The following UBAP2 variants were observed in gnomAD, a reference collection of about 807,000 sequenced individuals.
The protein encoded by UBAP2 is ubiquitin associated protein 2, also known as ubiquitin-associated protein 2.
UBAP2 carries 75 observed loss-of-function variants against 139.6 expected under a neutral mutation model. The ratio of observed to expected loss-of-function variants is 0.54; its 90% CI spans 0.45 to 0.65. The LOEUF (loss-of-function observed/expected upper bound fraction) is 0.65, where lower values mean the gene tolerates loss of function less well. Ranked by LOEUF, UBAP2 falls within the 30% of genes least tolerant of loss-of-function variation. UBAP2 has a pLI of 0.00. For missense variants in UBAP2, 1,368 were observed against 1,369.6 expected (o/e 1.00, Z 0.02); for synonymous variants, 526 against 526.2 (o/e 1.00, Z 0.01).
chr9:33,963,477 C>G (rs1367625868), intron 9 of UBAP2, among the ~76,000 whole-genome samples: 1 of 152,144 alleles, frequency 6.6e-6, no homozygotes, highest in Non-Finnish European at 1.5e-5. Flanking sequence ...TGTTAGTCCT[C>G]TAACGAATGT....
chr9:34,025,728 A>C (rs890725255), intron 1 of UBAP2, among the ~76,000 whole-genome samples: 2 of 152,182 alleles, frequency 1.3e-5, no homozygotes, highest in Non-Finnish European at 2.9e-5. Context: ...AACTGCCTAA[A>C]AAGTTTTGTT....
chr9:34,001,173 C>T (rs1317642473), intron 2 of UBAP2, among the ~76,000 whole-genome samples: 1 of 152,124 alleles, frequency 6.6e-6, no homozygotes, highest in African/African-American at 2.4e-5. Flanking sequence ...GGAGTAATGA[C>T]AACTTGTTAT....
chr9:33,939,133 T>C (rs1824857142), intron 16 of UBAP2, among the ~76,000 whole-genome samples: 1 of 151,518 alleles, frequency 6.6e-6, no homozygotes, highest in South Asian at 2.1e-4. Flanking sequence ...TCATTAGAGG[T>C]AGAGTGGCAT....
At chr9:33,982,742 TA>T (rs1820874429) in intron 6 of UBAP2, among the ~76,000 whole-genome samples, 1 of 152,208 alleles carries the variant, frequency 6.6e-6, no homozygotes, top group African/African-American at 2.4e-5. Context: ...AACTTTTATT[TA>T]TTTGGGGTTT....
intron 8 of UBAP2, among the ~76,000 whole-genome samples, chr9:33,964,930 T>C (rs1251086351): frequency 6.6e-6 from 1 of 152,192 alleles, no homozygotes; most frequent in African/African-American, 2.4e-5. Context: ...GAATTTTTCA[T>C]TTCCTTTAAA....
At chr9:34,046,859 T>G (rs1827649714) in intron 1 of UBAP2, among the ~76,000 whole-genome samples, 1 of 152,044 alleles carries the variant, frequency 6.6e-6, no homozygotes, top group Non-Finnish European at 1.5e-5. Context: ...TAAAAGTCAC[T>G]CAGGCTAATA....
chr9:33,993,490 G>C (rs1460173152), intron 4 of UBAP2, among the ~76,000 whole-genome samples: 1 of 152,172 alleles, frequency 6.6e-6, no homozygotes, highest in Non-Finnish European at 1.5e-5. Context: ...TAGAAACACA[G>C]AGACCCCCTA....
intron 13 of UBAP2, among the ~76,000 whole-genome samples, chr9:33,947,994 A>AG (rs1825785253): frequency 6.6e-6 from 1 of 151,678 alleles, no homozygotes; most frequent in African/African-American, 2.4e-5. Context: ...AAAAAAAAAA[A>AG]AAAAAAAAAG....
intron 24 of UBAP2, 152 bp from the exon 25 acceptor site, chr9:33,923,630 C>T (rs976002207): frequency 9.3e-7 from 1 of 1,069,772 alleles, no homozygotes; most frequent in East Asian, 2.4e-5. Context: ...GATCTAAACA[C>T]AGCAGGGGAA....
At chr9:33,935,931 CT>C in intron 16 of UBAP2, 53 bp from the exon 17 acceptor site, 2 of 1,555,748 alleles carry the variant, frequency 1.3e-6, no homozygotes, top group Non-Finnish European at 1.7e-6. Context: ...AAATCATTAC[CT>C]GAGTGGCTTT....
intron 19 of UBAP2, among the ~76,000 whole-genome samples, chr9:33,930,018 G>T (rs552881383): frequency 2.0e-5 from 3 of 151,278 alleles, no homozygotes; most frequent in East Asian, 1.9e-4. Context: ...AAAATAATAA[G>T]AAATAAATAA....
In UBAP2 at chr9:33,944,772, T is replaced by A. The variant is rs940328456; in HGVS notation, c.1271-133A>T. On this transcript the variant is annotated intron_variant, in intron 13 of 28. Transcript: ENST00000379238. Reference sequence around the variant, plus strand: ...AATTTCTTAGGTTTTACACACACTATGTGTAACACTTCATTTATGATAAAC... The same window carrying A: ...AATTTCTTAGGTTTTACACACACTAAGTGTAACACTTCATTTATGATAAAC... 6.0e-6 allele frequency: 6 copies of A among 1,004,904 alleles called. No individual in the cohort carries two copies. In the African/African-American group the frequency reaches 8.1e-5, roughly 14 times the overall value. 62.2% of individuals were successfully genotyped at this position (1,004,904 alleles called of 1,614,324 possible). A position where few individuals can be genotyped will look rare whatever the true frequency, so the allele number is the denominator to read the frequency against.
chr9:34,019,889 C>G (rs1041133771), intron 1 of UBAP2, among the ~76,000 whole-genome samples: 1 of 151,946 alleles, frequency 6.6e-6, no homozygotes, highest in Non-Finnish European at 1.5e-5. Flanking sequence ...CAGCCGGTCG[C>G]GGTGGCTCAT....
intron 8 of UBAP2, among the ~76,000 whole-genome samples, chr9:33,970,251 G>A (rs1266581866): frequency 4.6e-5 from 7 of 151,546 alleles, no homozygotes; most frequent in Non-Finnish European, 8.8e-5. Context: ...AATTATTCAC[G>A]TTCTCACCTT....
chr9:34,013,695 G>A (rs958993774), intron 2 of UBAP2, among the ~76,000 whole-genome samples: 4 of 151,790 alleles, frequency 2.6e-5, no homozygotes, highest in Admixed American at 1.3e-4. Flanking sequence ...TGGCCAACAC[G>A]GCGAAACCCC....
At chr9:33,979,393 T>C (rs1458939318) in intron 6 of UBAP2, among the ~76,000 whole-genome samples, 1 of 152,138 alleles carries the variant, frequency 6.6e-6, no homozygotes, top group Non-Finnish European at 1.5e-5. Context: ...CTGACCTACA[T>C]AGAGAAATCC....
At chr9:33,956,712 A>G (rs897679325) in intron 10 of UBAP2, among the ~76,000 whole-genome samples, 3 of 152,160 alleles carry the variant, frequency 2.0e-5, no homozygotes, top group Admixed American at 1.3e-4. Context: ...TAAACAACAC[A>G]GTGAAACACT....
At chr9:34,043,153 A>G (rs1441707958) in intron 1 of UBAP2, among the ~76,000 whole-genome samples, 1 of 152,104 alleles carries the variant, frequency 6.6e-6, no homozygotes, top group Non-Finnish European at 1.5e-5. Flanking sequence ...TATGCCTCAT[A>G]TATCATCTAC....
intron 17 of UBAP2, among the ~76,000 whole-genome samples, chr9:33,934,574 C>T (rs1243627518): frequency 6.6e-6 from 1 of 152,096 alleles, no homozygotes; most frequent in Non-Finnish European, 1.5e-5. Context: ...TATAAAGACA[C>T]CACAGATACA....
Sources: allele counts gnomAD v4.1 joint callset (sites outside exome capture counted in the v4.1 genomes callset), GRCh38; gene constraint gnomAD v4.1.1; transcripts MANE v1.5; gene names NCBI Gene and HGNC (gene_info 2026-07-23, HGNC 2026-07-21).